MYO10: variants seen among roughly 807,000 people sequenced by gnomAD.
MYO10 encodes unconventional myosin-X.
In MYO10, 133 loss-of-function variants were observed where a neutral mutation model predicts 257.3. The observed-to-expected ratio is 0.52, with a 90% CI of 0.45 to 0.60. MYO10 has a LOEUF of 0.60. Among genes scored for constraint, MYO10 ranks in the 20% least tolerant of loss-of-function variants. MYO10 has a pLI of 0.00. For missense variants in MYO10, 2,399 were observed against 2,635.7 expected, an observed-to-expected ratio of 0.91 and a Z score of 1.97; for synonymous variants, 1,104 against 1,028.6, an observed-to-expected ratio of 1.07 and a Z score of -1.40.
intron 2 of MYO10, among the ~76,000 whole-genome samples, chr5:16,820,773 T>C (rs943128504): frequency 9.2e-5 from 14 of 151,912 alleles, no homozygotes; most frequent in Admixed American, 4.6e-4. Context: ...TCATACATAA[T>C]ACTTAAGACA....
rs756360635 is a variant in MYO10, at chr5:16,701,136, C to T, written c.3259G>A (p.Gly1087Ser). ...TCATCCTGGTCGTAGTCGTAGTCGCCGTCTGGGGAGGGCAAGTCCCCAGCG... is the reference window on the plus strand; with the variant it reads ...TCATCCTGGTCGTAGTCGTAGTCGCTGTCTGGGGAGGGCAAGTCCCCAGCG... ...QNAGDLPSPD[G>S]DYDYDQDDYE... The change falls in exon 25 of 41, where the codon GGC (glycine) becomes AGC (serine). Residue 1087 changes from glycine to serine, a missense_variant. This residue lies in a region of MYO10 where 1,820 missense variants were observed against 1,939.4 expected (regional missense o/e 0.94). Coordinates refer to ENST00000513610, the MANE Select transcript of MYO10 (RefSeq NM_012334.3). This position sits in a 1 kb window ranked among gnomAD's most constrained non-coding sequence, Gnocchi z 8.1. The T allele has an allele frequency of 2.3e-5, 36 of 1,599,084 alleles. No individual in the cohort carries two copies. Among genetic ancestry groups the T allele is most frequent in the African/African-American group, 5.3e-5 (4 of 74,830 alleles).
At chr5:16,786,823 A>AT (rs571326104) in intron 4 of MYO10, among the ~76,000 whole-genome samples, 6 of 152,098 alleles carry the variant, frequency 3.9e-5, no homozygotes, top group African/African-American at 1.4e-4. Context: ...ATCACCTAAT[A>AT]GGTCCCTCGT....
chr5:16,685,538 A>T (rs560740096), intron 29 of MYO10, among the ~76,000 whole-genome samples, 200 bp downstream of exon 29: 1 of 152,202 alleles, frequency 6.6e-6, no homozygotes, highest in East Asian at 1.9e-4. Context: ...TTATTGTATT[A>T]TATTGTACCA....
intron 1 of MYO10, among the ~76,000 whole-genome samples, chr5:16,921,543 T>C (rs538365743): frequency 7.3e-5 from 11 of 150,974 alleles, no homozygotes; most frequent in Non-Finnish European, 1.5e-5. Flanking sequence ...CACTGATAAA[T>C]GTGTGGTCTC....
chr5:16,701,717 A>G lies in MYO10; in HGVS notation c.2678T>C (p.Leu893Pro). Reference protein sequence around the residue: ...ENKQVEEILRLEKEIEDLQRM... With the variant: ...ENKQVEEILRPEKEIEDLQRM... ...CTGCAGGTCCTCGATTTCTTTCTCC[A>G]GACGGAGGATCTCTTCCACCTGCTT... Residue 893 changes from leucine to proline, a missense_variant, in exon 25 of 41, where the codon CTG (leucine) becomes CCG (proline). Coordinates refer to ENST00000513610, the MANE Select transcript of MYO10 (RefSeq NM_012334.3). This position sits in a 1 kb window ranked among gnomAD's most constrained non-coding sequence, Gnocchi z 8.1. 1 of 1,614,000 alleles carries G rather than the reference A, an allele frequency of 6.2e-7. No homozygotes were observed. Among genetic ancestry groups the G allele is most frequent in the Non-Finnish European group, 8.5e-7 (1 of 1,179,882 alleles).
intron 4 of MYO10, among the ~76,000 whole-genome samples, chr5:16,791,593 T>C (rs949377921): frequency 6.8e-6 from 1 of 146,218 alleles, no homozygotes; most frequent in African/African-American, 2.6e-5. Context: ...TCATTTGATG[T>C]TTCGCTTTCT....
intron 19 of MYO10, among the ~76,000 whole-genome samples, chr5:16,715,873 T>C (rs560144868): frequency 5.3e-5 from 8 of 152,178 alleles, no homozygotes; most frequent in Admixed American, 4.6e-4. Flanking sequence ...CTGACCAATA[T>C]GGTGAAACCT....
In MYO10 at chr5:16,662,316, A is replaced by ATTTTTTTTTTTTATTTTTTTTT; in HGVS notation, c.*4375_*4376insAAAAAAAAATAAAAAAAAAAAA. The ATTTTTTTTTTTTATTTTTTTTT allele has an allele frequency of 1.3e-5, 1 of 75,816 alleles. No individual in the cohort carries two copies. 4.7% of individuals were successfully genotyped at this position (75,816 alleles called of 1,614,324 possible). A position where few individuals can be genotyped will look rare whatever the true frequency, so the allele number is the denominator to read the frequency against. ...AAGTGCTGTCTTAGATTTCTGAACT[A>ATTTTTTTTTTTTATTTTTTTTT]TTTTTTTTTTTTTTTTTTTTTTTTG... On this transcript the variant is annotated 3_prime_UTR_variant, in exon 41 of 41. Transcript: ENST00000513610.
intron 36 of MYO10, among the ~76,000 whole-genome samples, chr5:16,673,397 G>A (rs1466866104): frequency 1.3e-5 from 2 of 152,134 alleles, no homozygotes; most frequent in East Asian, 3.8e-4. Context: ...AAAGTGGCTG[G>A]ACCTGAGCCA....
At chr5:16,864,617 G>A (rs569230012) in intron 2 of MYO10, among the ~76,000 whole-genome samples, 1 of 152,208 alleles carries the variant, frequency 6.6e-6, no homozygotes, top group Non-Finnish European at 1.5e-5. Flanking sequence ...CTGCTTGAGT[G>A]AGAGTCTCCC....
At position 16,679,524 on chromosome 5, in the gene MYO10, G is replaced by GTTTTTTTTTTTTTTTTTTTTTTTTT. The variant is rs33919452; in HGVS notation, c.4542+422_4542+423insAAAAAAAAAAAAAAAAAAAAAAAAA. Reference sequence around the variant, plus strand: ...TTAACCAAGCGCTAGTTTTTTGGGTGTTTTTTTTTTTTTTTTTTGAGACGA... The same window carrying GTTTTTTTTTTTTTTTTTTTTTTTTT: ...TTAACCAAGCGCTAGTTTTTTGGGTGTTTTTTTTTTTTTTTTTTTTTTTTTTTTTTTTTTTTTTTTTTTGAGACGA... On this transcript the variant is annotated intron_variant, in intron 33 of 40. Transcript: ENST00000513610. Among the ~76,000 whole-genome samples the GTTTTTTTTTTTTTTTTTTTTTTTTT allele has an allele frequency of 3.8e-4, 46 of 122,648 alleles. 1 individual carries two copies. Among genetic ancestry groups the GTTTTTTTTTTTTTTTTTTTTTTTTT allele is most frequent in the African/African-American group, 1.3e-3 (41 of 31,084 alleles). 80.5% of individuals were successfully genotyped at this position (122,648 alleles called of 152,430 possible).
At chr5:16,822,599 C>T (rs555027565) in intron 2 of MYO10, among the ~76,000 whole-genome samples, 12 of 152,126 alleles carry the variant, frequency 7.9e-5, no homozygotes, top group African/African-American at 2.2e-4. Context: ...ACAGAACCAG[C>T]GCCCTGCGTT....
At chr5:16,823,752 G>A (rs55976732) in intron 2 of MYO10, among the ~76,000 whole-genome samples, 6,242 of 149,578 alleles carry the variant, frequency 0.042, 246 homozygotes, top group East Asian at 0.14. Context: ...GATTACAGGC[G>A]TGAGCCACTG....
Position 16,681,332 on chromosome 5 carries a change from T to TC in MYO10, c.4360dup (p.Asp1454GlyfsTer2). ...ACCTGTCTCTTTGAATATCTTCTCA[T>TC]CTGGGGGGACGACAGAGCAGAGGCT... On this transcript the variant is annotated frameshift_variant, in exon 32 of 41. Coordinates refer to ENST00000513610, the MANE Select transcript of MYO10 (RefSeq NM_012334.3). LOFTEE classifies it high-confidence loss of function. The TC allele has an allele frequency of 6.2e-7, 1 of 1,612,524 alleles. No homozygotes were observed. Among genetic ancestry groups the TC allele is most frequent in the Non-Finnish European group, 8.5e-7 (1 of 1,179,528 alleles).
intron 2 of MYO10, among the ~76,000 whole-genome samples, chr5:16,829,487 A>T (rs2126716492): frequency 6.6e-6 from 1 of 152,312 alleles, no homozygotes; most frequent in South Asian, 2.1e-4. Flanking sequence ...CTGTTCCCAA[A>T]ATGGAAGGTT....
At chr5:16,903,123 C>G (rs1745430186) in intron 1 of MYO10, among the ~76,000 whole-genome samples, 1 of 152,212 alleles carries the variant, frequency 6.6e-6, no homozygotes, top group Non-Finnish European at 1.5e-5. Context: ...TAATAACACT[C>G]CCTACCAGGC....
intron 3 of MYO10, among the ~76,000 whole-genome samples, chr5:16,804,524 G>T (rs1167678200): frequency 2.0e-5 from 3 of 152,184 alleles, no homozygotes; most frequent in Non-Finnish European, 2.9e-5. Flanking sequence ...CTAAAACAGG[G>T]ATGTAAAATA....
chr5:16,923,562 C>T (rs986834274), intron 1 of MYO10, among the ~76,000 whole-genome samples: 3 of 151,254 alleles, frequency 2.0e-5, no homozygotes, highest in African/African-American at 7.3e-5. Flanking sequence ...GCTGGGATCA[C>T]AGGCATGAGC....
intron 9 of MYO10, among the ~76,000 whole-genome samples, chr5:16,773,589 G>A (rs376929775): frequency 2.0e-5 from 3 of 150,508 alleles, no homozygotes; most frequent in African/African-American, 7.3e-5. Flanking sequence ...CTGATCCCAG[G>A]AGTTCAAGGG....
Sources: allele counts gnomAD v4.1 joint callset (sites outside exome capture counted in the v4.1 genomes callset), GRCh38; gene constraint gnomAD v4.1.1; regional missense constraint gnomAD v4.1.1; non-coding constraint Gnocchi (gnomAD v3.1); transcripts MANE v1.5; gene names NCBI Gene and HGNC (gene_info 2026-07-23, HGNC 2026-07-21).